CEACAM1: variants seen among roughly 807,000 people sequenced by gnomAD.
The protein encoded by CEACAM1 is cell adhesion molecule CEACAM1.
Under a neutral mutation model 49.1 loss-of-function variants are expected in CEACAM1, and 31 were observed. The observed-to-expected ratio is 0.63, with a 90% CI of 0.47 to 0.85. CEACAM1 has a LOEUF of 0.85. CEACAM1 is among the 40% of genes least tolerant of loss of function. The probability of loss-of-function intolerance (pLI) is 0.00; values close to 1 mark genes in which losing one functional copy is unlikely to be tolerated. For missense variants in CEACAM1, 570 were observed against 645.3 expected (o/e 0.88, Z 1.26); for synonymous variants, 244 against 247.8 (o/e 0.98, Z 0.14).
At chr19:42,522,290 T>A (rs1488250383) in intron 2 of CEACAM1, 88 bp from the exon 3 acceptor site, 2 of 1,551,088 alleles carry the variant, frequency 1.3e-6, no homozygotes, top group Admixed American at 4.1e-5. Flanking sequence ...TTTATTTTTT[T>A]TGGAGATGGA....
At chr19:42,514,648 A>C (rs1383227327) in intron 5 of CEACAM1, among the ~76,000 whole-genome samples, 1 of 152,196 alleles carries the variant, frequency 6.6e-6, no homozygotes, top group Non-Finnish European at 1.5e-5. Flanking sequence ...CTGGTGACTA[A>C]TGCTATGTTA....
At chr19:42,511,065 C>A in intron 7 of CEACAM1, 145 bp from the exon 8 acceptor site, 1 of 732,166 alleles carries the variant, frequency 1.4e-6, no homozygotes, top group South Asian at 1.6e-5. Flanking sequence ...ATGGTCCAGA[C>A]CCAGCATGTT....
Position 42,521,925 on chromosome 19 carries a change from GGT to G in CEACAM1, c.700_701del (p.Thr234LeufsTer30), listed in dbSNP as rs1466657003. 1 of 1,614,222 alleles carries G rather than the reference GGT, an allele frequency of 6.2e-7. No homozygotes were observed. Among genetic ancestry groups the G allele is most frequent in the South Asian group, 1.1e-5 (1 of 91,086 alleles). On this transcript the variant is annotated frameshift_variant and splice_region_variant, in exon 3 of 9. Transcript: ENST00000161559. LOFTEE classifies it high-confidence loss of function. ...CACAGAGGAACAGAAGATACTCACA[GGT>G]GACATTCAAGGTGACTGGGTCACTG... The part of the protein sequence containing the change: ...NRSDPVTLNV[T>X]YGPDTPTISP...
chr19:42,516,896 A>G, intron 5 of CEACAM1: 1 of 427,218 alleles, frequency 2.3e-6, no homozygotes, highest in Non-Finnish European at 4.6e-6. Flanking sequence ...ACAAAACAAA[A>G]CAAAAAAACC....
chr19:42,521,165 G>A, intron 4 of CEACAM1, 102 bp downstream of exon 4: 3 of 1,337,128 alleles, frequency 2.2e-6, no homozygotes, highest in Non-Finnish European at 3.2e-6. Context: ...GTTTGTGCCT[G>A]TTGGATACAG....
At chr19:42,523,553 A>G (rs2041813377) in intron 2 of CEACAM1, among the ~76,000 whole-genome samples, 1 of 152,260 alleles carries the variant, frequency 6.6e-6, no homozygotes, top group Non-Finnish European at 1.5e-5. Flanking sequence ...TGAAAAGAGC[A>G]GATGATGACA....
At chr19:42,519,319 A>AT in intron 4 of CEACAM1, 84 bp from the exon 5 acceptor site, 1 of 1,405,236 alleles carries the variant, frequency 7.1e-7, no homozygotes, top group South Asian at 1.3e-5. Flanking sequence ...TTTCCCTGAG[A>AT]TTTTAGCCAG....
Position 42,514,882 on chromosome 19 carries a change from G to A in CEACAM1, c.1247-2403C>T, listed in dbSNP as rs546930492. ...AGGACTACCTGATTTCAAGGCTAATGATAATAGTAGTAGTAATAGCAGCTA... is the reference window on the plus strand; with the variant it reads ...AGGACTACCTGATTTCAAGGCTAATAATAATAGTAGTAGTAATAGCAGCTA... On this transcript the variant is annotated intron_variant, in intron 5 of 8. Transcript: ENST00000161559. 85 of 513,352 alleles carry A rather than the reference G, an allele frequency of 1.7e-4. No individual in the cohort carries two copies. The South Asian group carries it at 2.2e-3, about 13-fold the overall frequency. 31.8% of individuals were successfully genotyped at this position (513,352 alleles called of 1,614,324 possible). A position where few individuals can be genotyped will look rare whatever the true frequency, so the allele number is the denominator to read the frequency against.
At position 42,524,976 on chromosome 19, in the gene CEACAM1, C is replaced by T. The variant is rs41446245; in HGVS notation, c.424+2065G>A. On this transcript the variant is annotated intron_variant, in intron 2 of 8. Coordinates refer to ENST00000161559, the MANE Select transcript of CEACAM1 (RefSeq NM_001712.5). Reference sequence around the variant, plus strand: ...GGATGGGGAGCAGGTATGGCAAGAACCTCCCAGGATTCTGCAACCAGATCC... The same window carrying T: ...GGATGGGGAGCAGGTATGGCAAGAATCTCCCAGGATTCTGCAACCAGATCC... Among the ~76,000 whole-genome samples, 622 of 152,198 alleles carry T rather than the reference C, an allele frequency of 4.1e-3. 1 individual carries two copies. Among genetic ancestry groups the T allele is most frequent in the Middle Eastern group, 0.02 (6 of 294 alleles).
At chr19:42,511,042 TC>T in intron 7 of CEACAM1, 122 bp from the exon 8 acceptor site, 1 of 870,528 alleles carries the variant, frequency 1.1e-6, no homozygotes. Context: ...GGAATTTACT[TC>T]CCTCAGAGTG....
chr19:42,519,374 G>T, intron 4 of CEACAM1, 139 bp from the exon 5 acceptor site: 1 of 771,470 alleles, frequency 1.3e-6, no homozygotes, highest in East Asian at 2.5e-5. Flanking sequence ...CCAACCAGGG[G>T]ATAGCCCTGA....
In CEACAM1 at chr19:42,522,007, C is replaced by T; in HGVS notation, c.620G>A (p.Arg207Lys). ...ACACTCATAGGGTCCTGTGTCATTC[C>T]TTGTGACACTGAGTAGAGTGAGGGT... ...NRTLTLLSVT[R>K]NDTGPYECEI... Residue 207 changes from arginine (R) to lysine (K), a missense_variant, in exon 3 of 9, where the codon AGG (arginine) becomes AAG (lysine). Arg to Lys is a conservative substitution (Grantham distance 26). Coordinates refer to ENST00000161559, the MANE Select transcript of CEACAM1 (RefSeq NM_001712.5). 1 of 1,614,236 alleles carries T rather than the reference C, an allele frequency of 6.2e-7. No homozygotes were observed. The highest frequency in any genetic ancestry group is 8.5e-7 in the Non-Finnish European group (1 of 1,180,048).
chr19:42,526,622 C>G (rs1433247206), intron 2 of CEACAM1, among the ~76,000 whole-genome samples: 5 of 152,156 alleles, frequency 3.3e-5, no homozygotes, highest in Non-Finnish European at 7.4e-5. Flanking sequence ...CTCAGGGTCA[C>G]CAGGAGTTGA....
intron 7 of CEACAM1, 139 bp downstream of exon 7, chr19:42,511,437 A>T (rs2041453890): frequency 4.0e-6 from 3 of 745,616 alleles, no homozygotes; most frequent in Non-Finnish European, 7.1e-6. Flanking sequence ...GACCTATGCC[A>T]CCTTAGGGTT....
chr19:42,519,217 G>T lies in CEACAM1; in HGVS notation c.977C>A (p.Ala326Glu), dbSNP rs1268641159. 4.3e-6 allele frequency: 7 copies of T among 1,613,972 alleles called. No individual in the cohort carries two copies. The African/African-American group carries it at 8.0e-5, about 18-fold the overall frequency. The change falls in exon 5 of 9, where the codon GCA (alanine) becomes GAA (glutamate). Residue 326 changes from alanine (A) to glutamate (E), a missense_variant. Coordinates refer to ENST00000161559, the MANE Select transcript of CEACAM1 (RefSeq NM_001712.5). ...IIVTELSPVVAKPQIKASKTT... is the reference protein window; with the variant it reads ...IIVTELSPVVEKPQIKASKTT... The stretch of plus-strand genomic sequence containing the variant: ...CTTGCTGGCTTTGATTTGGGGCTTT[G>T]CTACTACTGGACTTAGCTCTGTGGA...
rs759609108 is a variant in CEACAM1, at chr19:42,521,361, G to A, written c.864C>T (p.Asn288=). The change falls in exon 4 of 9, where the codon AAC becomes AAT. Residue 288 remains asparagine (N), a synonymous_variant. Coordinates refer to ENST00000161559, the MANE Select transcript of CEACAM1 (RefSeq NM_001712.5). ...AGGATCCACTATTATTCACAGTGAT[G>A]TTAGGGATAAAGAGCTCTTGTGTGC... is the stretch of plus-strand genomic sequence containing the variant. ...QQSTQELFIP[N]ITVNNSGSYT... The A allele has an allele frequency of 3.1e-6, 5 of 1,614,194 alleles. No homozygotes were observed. Among genetic ancestry groups the A allele is most frequent in the Non-Finnish European group, 4.2e-6 (5 of 1,180,034 alleles).
At chr19:42,518,856 A>G (rs1316696768) in intron 5 of CEACAM1, 92 bp downstream of exon 5, 11 of 1,395,170 alleles carry the variant, frequency 7.9e-6, no homozygotes, top group Non-Finnish European at 1.1e-5. Context: ...CTCTTCATTG[A>G]TATTCTGCCT....
chr19:42,528,313 G>A lies in CEACAM1; in HGVS notation c.62C>T (p.Thr21Ile), dbSNP rs777496812. 2 of 1,613,590 alleles carry A rather than the reference G, an allele frequency of 1.2e-6. No homozygotes were observed. Among genetic ancestry groups the A allele is most frequent in the Non-Finnish European group, 1.7e-6 (2 of 1,179,708 alleles). ...VRVPWQGLLL[T>I]ASLLTFWNPP... ...TTCCCAGGGTGTCCTCCCCTCACCT[G>A]TGAGCAGAAGCCCCTGCCAGGGTAC... is the stretch of plus-strand genomic sequence containing the variant. The change falls in exon 1 of 9, where the codon ACA (threonine) becomes ATA (isoleucine). Residue 21 changes from threonine (T) to isoleucine (I), a missense_variant and splice_region_variant. Thr to Ile is a moderately conservative substitution (Grantham distance 89, BLOSUM62 -1). Coordinates refer to ENST00000161559, the MANE Select transcript of CEACAM1 (RefSeq NM_001712.5).
chr19:42,514,926 C>A, intron 5 of CEACAM1: 1 of 575,920 alleles, frequency 1.7e-6, no homozygotes, highest in South Asian at 2.1e-5. Flanking sequence ...GAAACATTTC[C>A]TCTGTGTGTG....
Sources: gnomAD v4.1 joint callset for allele counts (sites outside exome capture counted in the v4.1 genomes callset) on GRCh38, gnomAD v4.1.1 for gene constraint, MANE v1.5 for transcripts, NCBI Gene and HGNC (gene_info 2026-07-23, HGNC 2026-07-21) for gene names.